The following NBPF9 variants were observed in gnomAD, a reference collection of about 807,000 sequenced individuals.
NBPF9 encodes the protein NBPF family member NBPF9.
In NBPF9, 91 loss-of-function variants were observed where a neutral mutation model predicts 97.8. The observed-to-expected ratio is 0.93, with a 90% CI of 0.79 to 1.11. The LOEUF (loss-of-function observed/expected upper bound fraction) is 1.11, where lower values mean the gene tolerates loss of function less well. NBPF9 is among the 50% of genes least tolerant of loss of function. The probability of loss-of-function intolerance (pLI) is 0.00; values close to 1 mark genes in which losing one functional copy is unlikely to be tolerated. For missense variants in NBPF9, 992 were observed against 939.5 expected (o/e 1.06, Z -0.73); for synonymous variants, 334 against 359.5 (o/e 0.93, Z 0.80).
At chr1:149,062,120 A>G (rs1553650141) in exon 22 of NBPF9, 3 of 1,163,620 alleles carry the variant, frequency 2.6e-6, no homozygotes, top group South Asian at 2.5e-5. Flanking sequence ...AAGCCAAGGT[A>G]CTGTTCCTCC....
At chr1:149,083,198 C>G (rs1228256916) in intron 5 of NBPF9, among the ~76,000 whole-genome samples, 5 of 141,822 alleles carry the variant, frequency 3.5e-5, no homozygotes, top group South Asian at 2.4e-4. Context: ...AAGTAATATC[C>G]TATTGATTGT....
In NBPF9 at chr1:149,077,965, CA is replaced by C; in HGVS notation, c.494-11del. The C allele has an allele frequency of 1.9e-6, 3 of 1,575,606 alleles. No homozygotes were observed. The Admixed American group carries it at 5.0e-5, about 26-fold the overall frequency. On this transcript the variant is annotated splice_polypyrimidine_tract_variant and intron_variant, in intron 9 of 29. Coordinates refer to ENST00000584027, the Ensembl canonical transcript of NBPF9. ...TCATCTTCGTCATTTTCTAGAAATA[CA>C]AAATGTTCATTCAGATATTTCCCAC...
At chr1:149,067,858 T>TA (rs2079130925) in intron 17 of NBPF9, among the ~76,000 whole-genome samples, 1 of 144,766 alleles carries the variant, frequency 6.9e-6, no homozygotes, top group South Asian at 2.3e-4. Context: ...ATGGTATTTC[T>TA]AGTTCTAGAT....
intron 4 of NBPF9, among the ~76,000 whole-genome samples, chr1:149,097,075 AGG>A (rs2081819207): frequency 1.5e-5 from 2 of 133,934 alleles, no homozygotes; most frequent in African/African-American, 5.9e-5. Context: ...GGAAGGAGGA[AGG>A]GAGGAAGGAA....
At chr1:149,097,078 G>GAGGA (rs1177238888) in intron 4 of NBPF9, among the ~76,000 whole-genome samples, 110 of 146,460 alleles carry the variant, frequency 7.5e-4, no homozygotes, top group Middle Eastern at 6.8e-3. Flanking sequence ...AGGAGGAAGG[G>GAGGA]AGGAAGGAAG....
At chr1:149,084,448 CTTTTT>C (rs1282586308) in intron 5 of NBPF9, among the ~76,000 whole-genome samples, 1 of 144,084 alleles carries the variant, frequency 6.9e-6, no homozygotes, top group Non-Finnish European at 1.5e-5. Context: ...ATATATTTTT[CTTTTT>C]TAAGTGGCGG....
At chr1:149,082,952 CTTTTCT>C (rs1158813104) in intron 5 of NBPF9, among the ~76,000 whole-genome samples, 38 of 61,002 alleles carry the variant, frequency 6.2e-4, no homozygotes, top group African/African-American at 7.8e-4. Flanking sequence ...GCTAATTTTT[CTTTTCT>C]TTTTTTTTTT....
At chr1:149,052,651 TAC>T (rs1235516346), downstream of NBPF9, among the ~76,000 whole-genome samples, 1,388 of 149,408 alleles carry the variant, frequency 9.3e-3, 1 homozygote, top group African/African-American at 0.03. Context: ...TGTATATATA[TAC>T]ACACACATAT....
At position 149,072,820 on chromosome 1, in the gene NBPF9, G is replaced by A. The variant is rs1451063030; in HGVS notation, c.1204C>T (p.Leu402Phe). 2.5e-6 allele frequency: 4 copies of A among 1,596,306 alleles called. No individual in the cohort carries two copies. In the African/African-American group the frequency reaches 5.4e-5, roughly 21 times the overall value. The change falls in exon 14 of 30, where the codon CTC (leucine) becomes TTC (phenylalanine). Residue 402 changes from leucine (L) to phenylalanine (F), a missense_variant. Leu to Phe is a conservative substitution (Grantham distance 22, BLOSUM62 0). This residue lies in a region of NBPF9 where 187 missense variants were observed against 149.6 expected (regional missense o/e 1.25). Transcript: ENST00000584027. ...GACTTGTCCGGCTCATCCGGAGTGA[G>A]GAGGGCCTGGAGATGCTCATTCAAT... is the stretch of plus-strand genomic sequence containing the variant.
In NBPF9 at chr1:149,078,988, G is replaced by A; in HGVS notation, c.493+19C>T. The A allele has an allele frequency of 8.7e-7, 1 of 1,149,690 alleles. No individual in the cohort carries two copies. Among genetic ancestry groups the A allele is most frequent in the Non-Finnish European group, 1.3e-6 (1 of 778,074 alleles). 71.2% of individuals were successfully genotyped at this position (1,149,690 alleles called of 1,614,324 possible). A position where few individuals can be genotyped will look rare whatever the true frequency, so the allele number is the denominator to read the frequency against. On this transcript the variant is annotated intron_variant, in intron 9 of 29. Coordinates refer to ENST00000584027, the Ensembl canonical transcript of NBPF9. ...ATAAGCCTGGGGTTTTGGGTCATCA[G>A]GGCCTATGGCCACCTTACCTGGGCT... is the stretch of plus-strand genomic sequence containing the variant.
chr1:149,078,868 G>C, intron 9 of NBPF9, 139 bp downstream of exon 9: 1 of 1,474,904 alleles, frequency 6.8e-7, no homozygotes. Context: ...TCTTACCCAG[G>C]AAGTCCTGAT....
At chr1:149,082,957 C>CTTTTTTTTTTTTTTTTTTTTTTT (rs1157992196) in intron 5 of NBPF9, among the ~76,000 whole-genome samples, 4 of 66,470 alleles carry the variant, frequency 6.0e-5, no homozygotes, top group Non-Finnish European at 7.7e-5. Flanking sequence ...TTTTTCTTTT[C>CTTTTTTTTTTTTTTTTTTTTTTT]TTTTTTTTTT....
Position 149,061,398 on chromosome 1 carries a change from G to A in NBPF9, c.2252-15C>T, listed in dbSNP as rs2078586977. The A allele has an allele frequency of 2.6e-6, 1 of 385,920 alleles. No individual in the cohort carries two copies. Among genetic ancestry groups the A allele is most frequent in the Non-Finnish European group, 4.6e-6 (1 of 217,888 alleles). 23.9% of individuals were successfully genotyped at this position (385,920 alleles called of 1,614,324 possible). A position where few individuals can be genotyped will look rare whatever the true frequency, so the allele number is the denominator to read the frequency against. On this transcript the variant is annotated splice_polypyrimidine_tract_variant and intron_variant, in intron 22 of 29. Transcript: ENST00000584027. Reference sequence around the variant, plus strand: ...CTTTTTAATTCCTGCAATACATTCAGACAGGGACAGACAAAATAAGCCAAT... The same window carrying A: ...CTTTTTAATTCCTGCAATACATTCAAACAGGGACAGACAAAATAAGCCAAT...
At chr1:149,074,124 G>T (rs1210256475) in intron 12 of NBPF9, among the ~76,000 whole-genome samples, 1 of 151,352 alleles carries the variant, frequency 6.6e-6, no homozygotes, top group South Asian at 2.1e-4. Flanking sequence ...CCACAACGAA[G>T]TGGAGTCAGA....
chr1:149,093,442 C>T (rs1447055109), intron 4 of NBPF9, among the ~76,000 whole-genome samples: 1 of 151,912 alleles, frequency 6.6e-6, no homozygotes, highest in East Asian at 1.9e-4. Context: ...GGGTGTCGGG[C>T]TGGGGGACAG....
intron 23 of NBPF9, chr1:149,060,939 A>G: frequency 2.4e-6 from 1 of 417,944 alleles, no homozygotes; most frequent in Non-Finnish European, 4.2e-6. Flanking sequence ...ACACACACAC[A>G]GAGAACGAGC....
intron 5 of NBPF9, among the ~76,000 whole-genome samples, chr1:149,082,840 C>A (rs1211340080): frequency 6.8e-6 from 1 of 146,912 alleles, no homozygotes; most frequent in Admixed American, 6.8e-5. Context: ...AGTGCAGTGA[C>A]GCGATCTAGG....
chr1:149,084,254 ATATATATACACGTGTATATATAT>A (rs1258682414), intron 5 of NBPF9, among the ~76,000 whole-genome samples: 13 of 146,304 alleles, frequency 8.9e-5, no homozygotes, highest in East Asian at 2.0e-4. Context: ...TATATATATA[ATATATATACACGTGTATATATAT>A]TATATATACA....
At chr1:149,062,809 G>A (rs1335130755) in intron 21 of NBPF9, 53 bp downstream of exon 21, 82 of 730,692 alleles carry the variant, frequency 1.1e-4, no homozygotes, top group Middle Eastern at 1.1e-3. Flanking sequence ...CCCTGGACCT[G>A]GCATCTCCAG....
Sources: gnomAD v4.1 joint callset for allele counts (sites outside exome capture counted in the v4.1 genomes callset) on GRCh38, gnomAD v4.1.1 for gene constraint, gnomAD v4.1.1 regional missense constraint, MANE v1.5 for transcripts, NCBI Gene and HGNC (gene_info 2026-07-23, HGNC 2026-07-21) for gene names.